The following DLGAP4 variants were observed in gnomAD, a reference collection of about 807,000 sequenced individuals.
DLGAP4 encodes disks large-associated protein 4.
DLGAP4 carries 18 observed loss-of-function variants against 86.9 expected under a neutral mutation model. The ratio of observed to expected loss-of-function variants is 0.21; its 90% CI spans 0.14 to 0.31. DLGAP4 has a LOEUF of 0.31. Ranked by LOEUF, DLGAP4 falls within the 10% of genes least tolerant of loss-of-function variation. The pLI is 1.00. For synonymous variants in DLGAP4, 548 were observed against 574.3 expected, an observed-to-expected ratio of 0.95 and a Z score of 0.65; for missense variants, 1,085 against 1,362.6, an observed-to-expected ratio of 0.80 and a Z score of 3.21.
At chr20:36,430,032 T>C (rs1208947894) in intron 2 of DLGAP4, among the ~76,000 whole-genome samples, 5 of 152,192 alleles carry the variant, frequency 3.3e-5, no homozygotes, top group Non-Finnish European at 7.3e-5. Flanking sequence ...GTCTTGGTAC[T>C]CCCACGTACA....
chr20:36,324,204 A>G (rs2147349315), intron 1 of DLGAP4, among the ~76,000 whole-genome samples: 1 of 152,164 alleles, frequency 6.6e-6, no homozygotes, highest in East Asian at 1.9e-4. Context: ...AGATGGGAGG[A>G]TCATTTGAGG....
At chr20:36,460,357 A>G (rs765118395) in intron 7 of DLGAP4, among the ~76,000 whole-genome samples, 2 of 152,222 alleles carry the variant, frequency 1.3e-5, no homozygotes, top group Non-Finnish European at 2.9e-5. Flanking sequence ...AGTGACTGAG[A>G]TAGGATGACC....
At chr20:36,406,027 C>T (rs1212228968) in intron 2 of DLGAP4, among the ~76,000 whole-genome samples, 2 of 152,142 alleles carry the variant, frequency 1.3e-5, no homozygotes, top group African/African-American at 4.8e-5. Flanking sequence ...GAAGCTAGGG[C>T]CATAAGGAGA....
chr20:36,467,053 TCTCTCTCTCTC>T (rs2034432055), intron 7 of DLGAP4, among the ~76,000 whole-genome samples: 1 of 120,840 alleles, frequency 8.3e-6, no homozygotes, highest in Non-Finnish European at 1.7e-5. Context: ...TCTCTCTCTC[TCTCTCTCTCTC>T]CCCCCCCCTT....
rs1449898048 is a variant in DLGAP4 at position 36,528,119 on chromosome 20, C to A, written c.*1088C>A. The A allele has an allele frequency of 6.6e-6, 1 of 152,088 alleles. No homozygotes were observed. Among genetic ancestry groups the A allele is most frequent in the Non-Finnish European group, 1.5e-5 (1 of 67,940 alleles). 9.4% of individuals were successfully genotyped at this position (152,088 alleles called of 1,614,324 possible). ...TACAAGTGTGTGTAAAAATATATACCTTGTGTGTAAGCAGCCCTTTTTTTT... is the reference window on the plus strand; with the variant it reads ...TACAAGTGTGTGTAAAAATATATACATTGTGTGTAAGCAGCCCTTTTTTTT... On this transcript the variant is annotated 3_prime_UTR_variant, in exon 13 of 13. Coordinates refer to ENST00000339266, the MANE Select transcript of DLGAP4 (RefSeq NM_001365621.2).
intron 1 of DLGAP4, among the ~76,000 whole-genome samples, chr20:36,329,771 G>A (rs186041871): frequency 3.3e-5 from 5 of 152,032 alleles, no homozygotes; most frequent in South Asian, 2.1e-4. Context: ...GATGGCTCAC[G>A]CCTGTAATCC....
intron 8 of DLGAP4, chr20:36,498,923 C>T (rs1048647374): frequency 3.2e-6 from 1 of 311,600 alleles, no homozygotes; most frequent in Non-Finnish European, 6.0e-6. Flanking sequence ...TGGCCCTGAC[C>T]CCAGTCCTTC....
Position 36,527,363 on chromosome 20 carries a change from C to CTGA in DLGAP4, c.*336_*338dup, listed in dbSNP as rs2037835415. The CTGA allele has an allele frequency of 4.9e-6, 1 of 204,972 alleles. No homozygotes were observed. The highest frequency in any genetic ancestry group is 1.1e-4 in the South Asian group (1 of 9,494). The allele number at this position is 204,972 out of a possible 1,614,324, so 12.7% of individuals were successfully genotyped here. On this transcript the variant is annotated 3_prime_UTR_variant, in exon 13 of 13. Transcript: ENST00000339266. ...ACTGCGGTCTTTTTACTCGTTCTAT[C>CTGA]TGATGAGAACTCACACTAGCTTGTT...
chr20:36,496,295 A>G (rs554656479), intron 7 of DLGAP4, among the ~76,000 whole-genome samples: 1 of 152,304 alleles, frequency 6.6e-6, no homozygotes, highest in South Asian at 2.1e-4. Context: ...CCTTGAAGAT[A>G]GCAAGGTTAA....
At chr20:36,480,831 C>T (rs755702108) in intron 7 of DLGAP4, among the ~76,000 whole-genome samples, 1 of 152,056 alleles carries the variant, frequency 6.6e-6, no homozygotes, top group Non-Finnish European at 1.5e-5. Context: ...CATAGTGAGA[C>T]CTCATCTCTA....
intron 2 of DLGAP4, among the ~76,000 whole-genome samples, chr20:36,370,380 G>A (rs963276854): frequency 6.6e-6 from 1 of 152,040 alleles, no homozygotes; most frequent in African/African-American, 2.4e-5. Context: ...TGGCTACTTG[G>A]GAGGCTGAAG....
intron 7 of DLGAP4, among the ~76,000 whole-genome samples, chr20:36,450,518 TCAA>T (rs1167176621): frequency 6.6e-6 from 1 of 150,786 alleles, no homozygotes; most frequent in Non-Finnish European, 1.5e-5. Context: ...AGAATCAGGG[TCAA>T]CAATTCTATG....
intron 7 of DLGAP4, chr20:36,462,330 G>A: frequency 2.2e-6 from 3 of 1,355,854 alleles, no homozygotes; most frequent in Non-Finnish European, 2.8e-6. Flanking sequence ...CGGGATCGGG[G>A]TCCCCTGCTT....
At chr20:36,307,696 TCCAGCCCCCGGGGGACTGG>T (rs2065017695) in intron 1 of DLGAP4, among the ~76,000 whole-genome samples, 1 of 151,866 alleles carries the variant, frequency 6.6e-6, no homozygotes, top group South Asian at 2.1e-4. Flanking sequence ...GGGCTGCAGT[TCCAGCCCCCGGGGGACTGG>T]CCTGCCCTGC....
chr20:36,425,800 G>A (rs540596946), intron 2 of DLGAP4, among the ~76,000 whole-genome samples: 16 of 152,244 alleles, frequency 1.1e-4, no homozygotes, highest in African/African-American at 2.4e-4. Context: ...CAGCCTGGGC[G>A]ACAAGAGCAA....
At position 36,331,341 on chromosome 20, in the gene DLGAP4, C is replaced by T. The variant is rs577317741; in HGVS notation, c.-304+24829C>T. On this transcript the variant is annotated intron_variant, in intron 1 of 12. Coordinates refer to ENST00000339266, the MANE Select transcript of DLGAP4 (RefSeq NM_001365621.2). ...GCCCAGCCACCGGGAGGCCCATCTC[C>T]GGCATCCCCAGCTGCCCCTCCTCCA... Among the ~76,000 whole-genome samples the T allele has an allele frequency of 2.6e-4, 39 of 152,378 alleles. No individual in the cohort carries two copies. In the South Asian group the frequency reaches 6.2e-3, roughly 24 times the overall value.
intron 2 of DLGAP4, among the ~76,000 whole-genome samples, chr20:36,377,576 G>A (rs567286135): frequency 9.0e-4 from 137 of 152,308 alleles, no homozygotes; most frequent in Non-Finnish European, 1.7e-3. Context: ...AGCCTCAGGC[G>A]CCTCTGCTCA....
rs963439706 is a variant in DLGAP4, at chr20:36,409,573, G to C, written c.-72-22073G>C. On this transcript the variant is annotated intron_variant, in intron 2 of 12. Transcript: ENST00000339266. ...CTACAAAAAATACAAAAATTAGCCA[G>C]GCATGGTGGCATGCACCTGTAGTCC... is the stretch of plus-strand genomic sequence containing the variant. Among the ~76,000 whole-genome samples the C allele has an allele frequency of 5.4e-4, 82 of 151,350 alleles. 4 individuals are homozygous for C. Among genetic ancestry groups the C allele is most frequent in the Non-Finnish European group, 1.9e-4 (13 of 67,874 alleles).
chr20:36,407,086 A>G (rs1354046520), intron 2 of DLGAP4, among the ~76,000 whole-genome samples: 3 of 152,136 alleles, frequency 2.0e-5, no homozygotes, highest in African/African-American at 2.4e-5. Context: ...ATCAGAAGTA[A>G]TAATACCCTT....
Sources: gnomAD v4.1 joint callset for allele counts (sites outside exome capture counted in the v4.1 genomes callset) on GRCh38, gnomAD v4.1.1 for gene constraint, MANE v1.5 for transcripts, NCBI Gene and HGNC (gene_info 2026-07-23, HGNC 2026-07-21) for gene names.